ESRP1: variants seen among roughly 807,000 people sequenced by gnomAD.
ESRP1 encodes the protein epithelial splicing regulatory protein 1.
In ESRP1, 33 loss-of-function variants were observed where a neutral mutation model predicts 81.7. That is an observed-to-expected ratio of 0.40 (90% CI 0.31 to 0.54). The LOEUF (loss-of-function observed/expected upper bound fraction) is 0.54, where lower values mean the gene tolerates loss of function less well. ESRP1 is among the 20% of genes least tolerant of loss of function. The probability of loss-of-function intolerance (pLI) is 0.41; values close to 1 mark genes in which losing one functional copy is unlikely to be tolerated. For synonymous variants in ESRP1, 320 were observed against 303.3 expected (o/e 1.06, Z -0.57); for missense variants, 672 against 833.1 (o/e 0.81, Z 2.38).
intron 11 of ESRP1, among the ~76,000 whole-genome samples, chr8:94,673,878 G>A (rs1038805852): frequency 1.5e-4 from 23 of 152,092 alleles, no homozygotes; most frequent in African/African-American, 4.6e-4. Flanking sequence ...AAAGAATACC[G>A]GTTCAGTTTC....
At chr8:94,701,008 C>A (rs1040265206) in intron 15 of ESRP1, among the ~76,000 whole-genome samples, 1 of 151,062 alleles carries the variant, frequency 6.6e-6, no homozygotes, top group Admixed American at 6.6e-5. Flanking sequence ...TGCGGTTGCT[C>A]ATGCCGGTAA....
intron 15 of ESRP1, among the ~76,000 whole-genome samples, chr8:94,703,153 T>TTTGTTG (rs143247522): frequency 1.1e-4 from 16 of 148,590 alleles, no homozygotes; most frequent in African/African-American, 3.5e-4. Context: ...GCAGTTTCTT[T>TTTGTTG]TTGTTGTTGT....
chr8:94,680,606 T>C (rs1193619114), intron 13 of ESRP1, among the ~76,000 whole-genome samples: 2 of 152,064 alleles, frequency 1.3e-5, no homozygotes, highest in Non-Finnish European at 2.9e-5. Context: ...TTTATGTTTT[T>C]AGTAGAGAAG....
chr8:94,663,911 G>T (rs1818883697), intron 6 of ESRP1, among the ~76,000 whole-genome samples: 1 of 152,088 alleles, frequency 6.6e-6, no homozygotes, highest in Non-Finnish European at 1.5e-5. Flanking sequence ...GGTTTGATCT[G>T]GGGGATATTT....
intron 11 of ESRP1, among the ~76,000 whole-genome samples, chr8:94,673,446 A>G (rs1006250110): frequency 6.6e-6 from 1 of 152,192 alleles, no homozygotes; most frequent in African/African-American, 2.4e-5. Context: ...GGTAACTTGC[A>G]TGGTAATAAT....
At position 94,678,267 on chromosome 8, in the gene ESRP1, T is replaced by C; in HGVS notation, c.1716T>C (p.Ile572=). The C allele has an allele frequency of 6.2e-7, 1 of 1,614,042 alleles. No homozygotes were observed. The highest frequency in any genetic ancestry group is 1.3e-5 in the African/African-American group (1 of 75,054). Reference sequence around the variant, plus strand: ...CAGTTATTCCTACAGAAGCTGCCATTTACCAGCCCTCTGTGATTTTGAATC... The same window carrying C: ...CAGTTATTCCTACAGAAGCTGCCATCTACCAGCCCTCTGTGATTTTGAATC... ...PAAVIPTEAA[I]YQPSVILNPR... is the part of the protein sequence containing the mutation. Residue 572 remains isoleucine (I), a synonymous_variant, in exon 13 of 16, where the codon ATT becomes ATC. Transcript: ENST00000433389.
intron 4 of ESRP1, among the ~76,000 whole-genome samples, chr8:94,654,503 ATCT>A (rs1418281759): frequency 1.3e-5 from 2 of 152,152 alleles, no homozygotes; most frequent in African/African-American, 4.8e-5. Flanking sequence ...CCCTATCTCC[ATCT>A]TCTTTCTTCT....
In ESRP1 at chr8:94,662,595, G is replaced by GTTT. The variant is rs11404889; in HGVS notation, c.644+50_644+52dup. On this transcript the variant is annotated intron_variant, in intron 6 of 15. Transcript: ENST00000433389. ...ACTATTTATTTGAGCTTTTTAACTT[G>GTTT]TTTTTTTTTTTTGTCTGTTTGTTTG... The GTTT allele has an allele frequency of 1.3e-3, 1,514 of 1,197,962 alleles. 1 individual carries two copies. The highest frequency in any genetic ancestry group is 2.1e-3 in the Middle Eastern group (8 of 3,874). The allele number at this position is 1,197,962 out of a possible 1,614,324, so 74.2% of individuals were successfully genotyped here. A position where few individuals can be genotyped will look rare whatever the true frequency, so the allele number is the denominator to read the frequency against.
chr8:94,696,816 G>A (rs771146014), intron 14 of ESRP1, 36 bp from the exon 15 acceptor site: 30 of 1,466,240 alleles, frequency 2.0e-5, no homozygotes, highest in South Asian at 2.6e-5. Flanking sequence ...CAGTTTGTCC[G>A]TCTTTTGATC....
In ESRP1 at chr8:94,668,185, C is replaced by A. The variant is rs1045574927; in HGVS notation, c.1168C>A (p.His390Asn). 1 of 1,613,604 alleles carries A rather than the reference C, an allele frequency of 6.2e-7. No homozygotes were observed. Among genetic ancestry groups the A allele is most frequent in the African/African-American group, 1.3e-5 (1 of 74,918 alleles). ...EEYAQNALRK[H>N]KDLLGKRYIE... ...ATATGCACAGAATGCGTTGAGGAAG[C>A]ATAAAGACTTGTTGGGTAAAAGATA... The change falls in exon 10 of 16, where the codon CAT becomes AAT. Residue 390 changes from histidine (H) to asparagine (N), a missense_variant. Coordinates refer to ENST00000433389, the MANE Select transcript of ESRP1 (RefSeq NM_017697.4).
At chr8:94,673,788 AT>A (rs553503324) in intron 11 of ESRP1, among the ~76,000 whole-genome samples, 56 of 152,204 alleles carry the variant, frequency 3.7e-4, no homozygotes, top group Non-Finnish European at 6.9e-4. Context: ...CCCAAGCCAC[AT>A]TCCAACCTAG....
Position 94,674,508 on chromosome 8 carries a change from T to C in ESRP1, c.1651+2T>C. The C allele has an allele frequency of 6.2e-7, 1 of 1,611,406 alleles. No homozygotes were observed. Among genetic ancestry groups the C allele is most frequent in the Non-Finnish European group, 8.5e-7 (1 of 1,178,742 alleles). Reference sequence around the variant, plus strand: ...CCCCACCGCCATGTAAGTTACCATGTAAGTTTTTCTTGGGTCTTGGCGCTA... The same window carrying C: ...CCCCACCGCCATGTAAGTTACCATGCAAGTTTTTCTTGGGTCTTGGCGCTA... On this transcript the variant is annotated splice_donor_variant, in intron 12 of 15. Transcript: ENST00000433389. LOFTEE classifies it high-confidence loss of function.
At chr8:94,641,887 G>A in intron 1 of ESRP1, 69 bp from the exon 2 acceptor site, 2 of 1,586,534 alleles carry the variant, frequency 1.3e-6, no homozygotes, top group Non-Finnish European at 1.7e-6. Context: ...GCAGGGGAGC[G>A]AGGGAGGAGG....
rs755285759 is a variant in ESRP1 at position 94,664,789 on chromosome 8, A to G, written c.737A>G (p.Lys246Arg). 1 of 1,613,882 alleles carries G rather than the reference A, an allele frequency of 6.2e-7. No homozygotes were observed. Among genetic ancestry groups the G allele is most frequent in the South Asian group, 1.1e-5 (1 of 91,074 alleles). Residue 246 changes from lysine to arginine, a missense_variant, in exon 7 of 16, where the codon AAA (lysine) becomes AGA (arginine). Lys to Arg is a conservative substitution (Grantham distance 26). Coordinates refer to ENST00000433389, the MANE Select transcript of ESRP1 (RefSeq NM_017697.4). ...SSDQDIARFF[K>R]GLNIAKGGAA... ...GATCAAGATATTGCAAGATTCTTCA[A>G]AGGACTCAATATTGCCAAGTTGGTT...
At chr8:94,673,615 G>A (rs1206246025) in intron 11 of ESRP1, among the ~76,000 whole-genome samples, 3 of 152,210 alleles carry the variant, frequency 2.0e-5, no homozygotes, top group African/African-American at 7.2e-5. Context: ...GTTTGAAATA[G>A]GGGGTTTTAG....
chr8:94,642,954 C>G (rs1238516856), intron 2 of ESRP1, among the ~76,000 whole-genome samples: 3 of 152,188 alleles, frequency 2.0e-5, no homozygotes, highest in African/African-American at 7.2e-5. Flanking sequence ...CCTGGCACAT[C>G]CAAACATATA....
Position 94,671,464 on chromosome 8 carries a change from A to G in ESRP1, c.1245A>G (p.Arg415=), listed in dbSNP as rs772200397. 6.2e-7 allele frequency: 1 copy of G among 1,612,708 alleles called. No individual in the cohort carries two copies. Among genetic ancestry groups the G allele is most frequent in the Admixed American group, 1.7e-5 (1 of 59,884 alleles). The change falls in exon 11 of 16, where the codon CGA becomes CGG. Residue 415 remains arginine, a synonymous_variant. Transcript: ENST00000433389. ...TAAEVQQVLN[R]FSSAPLIPLP... Reference sequence around the variant, plus strand: ...TGCTTTGAGTACAGGTGCTGAATCGATTCTCCTCGGCCCCTCTCATTCCAC... The same window carrying G: ...TGCTTTGAGTACAGGTGCTGAATCGGTTCTCCTCGGCCCCTCTCATTCCAC...
chr8:94,660,745 C>CAAAAAAAAAA (rs1563525328), intron 4 of ESRP1, among the ~76,000 whole-genome samples: 1 of 73,908 alleles, frequency 1.4e-5, no homozygotes, highest in African/African-American at 4.4e-5. Flanking sequence ...AAAAAAAAAC[C>CAAAAAAAAAA]AAAACAAACA....
intron 13 of ESRP1, among the ~76,000 whole-genome samples, chr8:94,682,949 T>A (rs1373882053): frequency 1.0e-5 from 1 of 98,062 alleles, no homozygotes; most frequent in Non-Finnish European, 2.0e-5. Flanking sequence ...TTTTTTTTTT[T>A]TTTTTTTTTT....
Sources: allele counts gnomAD v4.1 joint callset (sites outside exome capture counted in the v4.1 genomes callset), GRCh38; gene constraint gnomAD v4.1.1; transcripts MANE v1.5; gene names NCBI Gene and HGNC (gene_info 2026-07-23, HGNC 2026-07-21).